LCORL: variants seen among roughly 807,000 people sequenced by gnomAD.
The protein encoded by LCORL is ligand dependent nuclear receptor corepressor like.
In LCORL, 41 loss-of-function variants were observed where a neutral mutation model predicts 141.8. The ratio of observed to expected loss-of-function variants is 0.29; its 90% CI spans 0.23 to 0.38. The LOEUF is 0.38. LCORL is among the 10% of genes least tolerant of loss of function. The probability of loss-of-function intolerance (pLI) is 1.00; values close to 1 mark genes in which losing one functional copy is unlikely to be tolerated. For synonymous variants in LCORL, 618 were observed against 694.1 expected, an observed-to-expected ratio of 0.89 and a Z score of 1.72; for missense variants, 1,759 against 2,035.0, an observed-to-expected ratio of 0.86 and a Z score of 2.61.
intron 7 of LCORL, among the ~76,000 whole-genome samples, chr4:17,851,059 A>G (rs879678862): frequency 5.4e-4 from 78 of 144,852 alleles, no homozygotes; most frequent in Non-Finnish European, 1.0e-3. Flanking sequence ...ATTCTCACTC[A>G]TAGGTGGGAA....
At chr4:17,905,888 T>C (rs191985250) in intron 5 of LCORL, among the ~76,000 whole-genome samples, 1 of 152,256 alleles carries the variant, frequency 6.6e-6, no homozygotes, top group African/African-American at 2.4e-5. Flanking sequence ...GTATGAGCTC[T>C]TCATTGACTA....
chr4:17,998,119 A>G (rs988308381), intron 1 of LCORL, among the ~76,000 whole-genome samples: 3 of 152,166 alleles, frequency 2.0e-5, no homozygotes, highest in Non-Finnish European at 4.4e-5. Context: ...ATCTAAACAT[A>G]GAAAAGAACA....
chr4:17,988,669 C>A lies in LCORL; in HGVS notation c.155-15784G>T, dbSNP rs542549645. On this transcript the variant is annotated intron_variant, in intron 1 of 7. Coordinates refer to ENST00000635767, the Ensembl canonical transcript of LCORL. The stretch of plus-strand genomic sequence containing the variant: ...TATTCTTGCTTATAGTTTTTATAAT[C>A]ATCAAAGATGTTAACTTAAAAATAA... 3.5e-3 allele frequency among the ~76,000 whole-genome samples: 526 copies of A among 152,226 alleles called. 1 individual carries two copies. The highest frequency in any genetic ancestry group is 5.8e-3 in the Admixed American group (89 of 15,292).
intron 7 of LCORL, among the ~76,000 whole-genome samples, chr4:17,861,389 C>T (rs1217738850): frequency 6.6e-6 from 1 of 152,204 alleles, no homozygotes; most frequent in Non-Finnish European, 1.5e-5. Context: ...CGTACCTCGG[C>T]CCCTTTTAGT....
exon 8 of LCORL, chr4:17,844,214 G>C (rs1259097699): frequency 2.6e-5 from 4 of 152,288 alleles, no homozygotes; most frequent in African/African-American, 9.7e-5. Flanking sequence ...CAATTTATGA[G>C]CACTATTCAC....
intron 7 of LCORL, among the ~76,000 whole-genome samples, chr4:17,866,101 T>C (rs1725612478): frequency 6.6e-6 from 1 of 152,110 alleles, no homozygotes; most frequent in Admixed American, 6.5e-5. Context: ...ATCATCTCCT[T>C]CTTTCTTGAC....
At chr4:18,016,397 C>T (rs917507375) in intron 1 of LCORL, among the ~76,000 whole-genome samples, 4 of 152,064 alleles carry the variant, frequency 2.6e-5, no homozygotes, top group Admixed American at 1.3e-4. Context: ...CTGTTTTACA[C>T]TACCAAAATA....
intron 4 of LCORL, among the ~76,000 whole-genome samples, chr4:17,924,546 G>A (rs1734815828): frequency 1.3e-5 from 2 of 152,154 alleles, no homozygotes; most frequent in Admixed American, 1.3e-4. Flanking sequence ...ATCATGGAAA[G>A]GGCAACAGTT....
chr4:17,873,763 A>C (rs1252420636), exon 7 of LCORL: 1 of 1,234,104 alleles, frequency 8.1e-7, no homozygotes, highest in Non-Finnish European at 1.0e-6. Context: ...TTTAGCTTAA[A>C]AGTATTTCTG....
intron 5 of LCORL, chr4:17,893,683 G>T (rs1462489652): frequency 4.3e-6 from 3 of 705,066 alleles, no homozygotes; most frequent in Non-Finnish European, 5.2e-6. Flanking sequence ...TGCATAATTT[G>T]CATTGAAATT....
At chr4:17,872,645 C>T (rs1726486511) in intron 7 of LCORL, among the ~76,000 whole-genome samples, 1 of 152,032 alleles carries the variant, frequency 6.6e-6, no homozygotes, top group African/African-American at 2.4e-5. Context: ...TTCTGGTTTG[C>T]ATTTTGAATT....
intron 6 of LCORL, chr4:17,881,161 T>C (rs925169395): frequency 1.0e-6 from 1 of 980,524 alleles, no homozygotes; most frequent in East Asian, 1.1e-4. Flanking sequence ...TTTCCTTCTT[T>C]TTTTTTTTAA....
chr4:17,876,920 T>C (rs2109186745), exon 7 of LCORL: 2 of 1,230,822 alleles, frequency 1.6e-6, no homozygotes, highest in South Asian at 8.2e-5. Context: ...GTGAAAATGA[T>C]GTTTCAGCAT....
intron 7 of LCORL, among the ~76,000 whole-genome samples, chr4:17,846,704 C>CTT (rs937091664): frequency 4.1e-4 from 62 of 152,188 alleles, no homozygotes; most frequent in African/African-American, 1.5e-3. Flanking sequence ...GGACTGGTGT[C>CTT]TTATTCCACA....
chr4:17,861,964 T>C (rs554853630), intron 7 of LCORL, among the ~76,000 whole-genome samples: 6 of 152,236 alleles, frequency 3.9e-5, no homozygotes, highest in Non-Finnish European at 8.8e-5. Flanking sequence ...ATCAGGCTTT[T>C]GGTCAAAGCC....
At chr4:17,993,683 A>G (rs1436827927) in intron 1 of LCORL, among the ~76,000 whole-genome samples, 4 of 152,210 alleles carry the variant, frequency 2.6e-5, no homozygotes, top group Non-Finnish European at 4.4e-5. Flanking sequence ...TGAACCATGG[A>G]AAGTCTTGAA....
chr4:17,893,130 C>T (rs1204942516), intron 5 of LCORL: 3 of 152,378 alleles, frequency 2.0e-5, no homozygotes, highest in African/African-American at 7.2e-5. Flanking sequence ...ACTACACCTA[C>T]TTACCAGTGT....
At chr4:17,873,778 C>T in exon 7 of LCORL, 1 of 1,233,986 alleles carries the variant, frequency 8.1e-7, no homozygotes, top group Non-Finnish European at 1.0e-6. Flanking sequence ...TTTCTGTGTT[C>T]AAGACAGTTG....
At chr4:17,891,621 C>T (rs528019807) in intron 5 of LCORL, among the ~76,000 whole-genome samples, 1 of 151,976 alleles carries the variant, frequency 6.6e-6, no homozygotes, top group Non-Finnish European at 1.5e-5. Flanking sequence ...GCTACTGTAA[C>T]GTTTTTAAAA....
Sources: allele counts gnomAD v4.1 joint callset (sites outside exome capture counted in the v4.1 genomes callset), GRCh38; gene constraint gnomAD v4.1.1; transcripts MANE v1.5; gene names NCBI Gene and HGNC (gene_info 2026-07-23, HGNC 2026-07-21).